The following UMAD1 variants were observed in gnomAD, a reference collection of about 807,000 sequenced individuals.
The protein encoded by UMAD1 is UBAP1-MVB12-associated (UMA) domain containing 1.
In UMAD1, 8 loss-of-function variants were observed where a neutral mutation model predicts 6.1. The observed-to-expected ratio is 1.30, with a 90% confidence interval of 0.76 to 2.35. The LOEUF is 2.35. Among genes scored for constraint, UMAD1 ranks in the 30% most tolerant of loss-of-function variants. The pLI is 0.00. For synonymous variants in UMAD1, 56 were observed against 31.4 expected (o/e 1.78, Z -2.61); for missense variants, 130 against 78.4 (o/e 1.66, Z -2.49).
intron 2 of UMAD1, among the ~76,000 whole-genome samples, chr7:7,697,725 C>T (rs1328244188): frequency 6.6e-6 from 1 of 152,120 alleles, no homozygotes; most frequent in Non-Finnish European, 1.5e-5. Context: ...AATTATGGAT[C>T]ATCAGGTAGT....
At position 7,811,082 on chromosome 7, in the gene UMAD1, C is replaced by T. The variant is rs139092980; in HGVS notation, c.156+9339C>T. On this transcript the variant is annotated intron_variant, in intron 3 of 3. Transcript: ENST00000682710. Reference sequence around the variant, plus strand: ...TCACTTATAAAGGCATATTTTCCCCCGCAAAAGTGTATGGGTTACTGGCTT... The same window carrying T: ...TCACTTATAAAGGCATATTTTCCCCTGCAAAAGTGTATGGGTTACTGGCTT... Among the ~76,000 whole-genome samples the T allele has an allele frequency of 7.7e-4, 117 of 152,214 alleles. 2 individuals carry two copies. The highest frequency in any genetic ancestry group is 1.1e-3 in the Non-Finnish European group (73 of 68,000).
chr7:7,871,322 T>C (rs1784328063), intron 3 of UMAD1, among the ~76,000 whole-genome samples: 1 of 152,216 alleles, frequency 6.6e-6, no homozygotes, highest in South Asian at 2.1e-4. Context: ...GAAGCACTGT[T>C]CATTCAGTCA....
chr7:7,694,012 T>G (rs1305526790), intron 2 of UMAD1, among the ~76,000 whole-genome samples: 2 of 152,182 alleles, frequency 1.3e-5, no homozygotes, highest in Non-Finnish European at 2.9e-5. Flanking sequence ...TTTGTTGATA[T>G]AAGGCAACTG....
chr7:7,679,850 C>T (rs933492039), intron 2 of UMAD1, among the ~76,000 whole-genome samples: 14 of 151,316 alleles, frequency 9.3e-5, no homozygotes, highest in South Asian at 2.1e-4. Context: ...CAGGCGTGAG[C>T]TGCTATGCCT....
chr7:7,690,355 A>G (rs1280691786), intron 2 of UMAD1, among the ~76,000 whole-genome samples: 2 of 152,138 alleles, frequency 1.3e-5, no homozygotes, highest in Non-Finnish European at 2.9e-5. Context: ...CCAAATTTCT[A>G]GTTACAAAAT....
intron 2 of UMAD1, among the ~76,000 whole-genome samples, chr7:7,741,413 T>C (rs1437897701): frequency 6.6e-6 from 1 of 151,100 alleles, no homozygotes; most frequent in Non-Finnish European, 1.5e-5. Flanking sequence ...CTACTGAAAA[T>C]ACAAAAAATT....
rs925062380 is a variant in UMAD1 at position 7,690,263 on chromosome 7, G to A, written c.82+16810G>A. On this transcript the variant is annotated intron_variant, in intron 2 of 3. Coordinates refer to ENST00000682710, the MANE Select transcript of UMAD1 (RefSeq NM_001302348.2). ...GAAATGTATTTCCAAAACGCTGAAG[G>A]CAATAAATGAAACCATAATTTTTTT... Among the ~76,000 whole-genome samples, 4 of 152,054 alleles carry A rather than the reference G, an allele frequency of 2.6e-5. No individual in the cohort carries two copies. The South Asian group carries it at 6.2e-4, about 24-fold the overall frequency.
chr7:7,803,791 A>T (rs559307653), intron 3 of UMAD1, among the ~76,000 whole-genome samples: 5 of 151,878 alleles, frequency 3.3e-5, no homozygotes, highest in Non-Finnish European at 5.9e-5. Flanking sequence ...CACTAATCCC[A>T]TTAATGCAGG....
chr7:7,685,752 T>C (rs1482865178), intron 2 of UMAD1: 1 of 152,238 alleles, frequency 6.6e-6, no homozygotes, highest in Non-Finnish European at 1.5e-5. Flanking sequence ...TTTAATAAAC[T>C]TTCACTCCTG....
chr7:7,683,506 G>A (rs1221774811), intron 2 of UMAD1, among the ~76,000 whole-genome samples: 1 of 151,962 alleles, frequency 6.6e-6, no homozygotes, highest in Non-Finnish European at 1.5e-5. Context: ...TAAACAAAAA[G>A]CAAATAAAAC....
intron 2 of UMAD1, among the ~76,000 whole-genome samples, chr7:7,722,679 C>G (rs139573658): frequency 6.6e-6 from 1 of 152,298 alleles, no homozygotes; most frequent in East Asian, 1.9e-4. Flanking sequence ...CAGTGAGAGT[C>G]TTACCTCCTG....
intron 3 of UMAD1, among the ~76,000 whole-genome samples, chr7:7,819,601 A>G (rs1324345893): frequency 6.6e-6 from 1 of 152,222 alleles, no homozygotes; most frequent in African/African-American, 2.4e-5. Flanking sequence ...GCCTGTTGAC[A>G]TGGAGAACCA....
Position 7,667,903 on chromosome 7 carries a change from A to G in UMAD1, c.-63-5406A>G, listed in dbSNP as rs28916012. Among the ~76,000 whole-genome samples the G allele has an allele frequency of 2.4e-4, 36 of 152,222 alleles. No individual in the cohort carries two copies. The East Asian group carries it at 6.8e-3, about 29-fold the overall frequency. Reference sequence around the variant, plus strand: ...CTACTAGCTATGTAAACTTGGACCAATACTTAACCTAGTTTTTCACTTCAG... The same window carrying G: ...CTACTAGCTATGTAAACTTGGACCAGTACTTAACCTAGTTTTTCACTTCAG... On this transcript the variant is annotated intron_variant, in intron 1 of 3. Coordinates refer to ENST00000682710, the MANE Select transcript of UMAD1 (RefSeq NM_001302348.2).
chr7:7,803,402 G>A (rs896338809), intron 3 of UMAD1, among the ~76,000 whole-genome samples: 14 of 152,200 alleles, frequency 9.2e-5, no homozygotes, highest in Admixed American at 5.9e-4. Flanking sequence ...TTGAGCCCGG[G>A]AATTCAAGGC....
chr7:7,786,488 T>A (rs1782463598), intron 2 of UMAD1, among the ~76,000 whole-genome samples: 1 of 152,176 alleles, frequency 6.6e-6, no homozygotes, highest in African/African-American at 2.4e-5. Flanking sequence ...TTACTAATTT[T>A]GCTATGAGAT....
chr7:7,771,780 C>T (rs985633701), intron 2 of UMAD1, among the ~76,000 whole-genome samples: 2 of 151,690 alleles, frequency 1.3e-5, no homozygotes, highest in African/African-American at 4.9e-5. Flanking sequence ...TTAGGGTCTC[C>T]ATGGGTGGGG....
intron 2 of UMAD1, among the ~76,000 whole-genome samples, chr7:7,694,367 T>C (rs1308839691): frequency 6.6e-6 from 1 of 152,178 alleles, no homozygotes; most frequent in Non-Finnish European, 1.5e-5. Context: ...TATCATTTTT[T>C]TGTGATACAG....
intron 1 of UMAD1, among the ~76,000 whole-genome samples, chr7:7,649,750 C>T (rs1314879080): frequency 6.6e-6 from 1 of 151,824 alleles, no homozygotes; most frequent in Non-Finnish European, 1.5e-5. Context: ...CTCTCTCCCC[C>T]CACCCAATTC....
intron 3 of UMAD1, among the ~76,000 whole-genome samples, chr7:7,870,615 A>G (rs34174547): frequency 0.35 from 52,935 of 151,982 alleles, 9,622 homozygotes; most frequent in East Asian, 0.52. Context: ...AGCCCCCACC[A>G]CTGCTTCCAT....
Sources: gnomAD v4.1 joint callset for allele counts (sites outside exome capture counted in the v4.1 genomes callset) on GRCh38, gnomAD v4.1.1 for gene constraint, MANE v1.5 for transcripts, NCBI Gene and HGNC (gene_info 2026-07-23, HGNC 2026-07-21) for gene names.